GLIS3: variants seen among roughly 807,000 people sequenced by gnomAD.
The protein encoded by GLIS3 is zinc finger protein GLIS3.
A neutral mutation model predicts 78.6 loss-of-function variants in GLIS3; 53 were observed. That is an observed-to-expected ratio of 0.67 (90% CI 0.54 to 0.85). GLIS3 has a LOEUF of 0.85. Among genes scored for constraint, GLIS3 ranks in the 40% least tolerant of loss-of-function variants. GLIS3 has a pLI of 0.00. For missense variants in GLIS3, 1,703 were observed against 1,231.1 expected (o/e 1.38, Z -5.74); for synonymous variants, 684 against 509.9 (o/e 1.34, Z -4.60).
At chr9:3,920,009 T>G (rs891742663) in intron 6 of GLIS3, among the ~76,000 whole-genome samples, 2 of 148,388 alleles carry the variant, frequency 1.3e-5, no homozygotes, top group Non-Finnish European at 3.0e-5. Flanking sequence ...AGTTTTTTTT[T>G]TTTTTTTTTT....
the GLIS3 span, among the ~76,000 whole-genome samples, chr9:4,404,061 G>C: frequency 6.6e-6 from 1 of 152,110 alleles, no homozygotes; most frequent in Non-Finnish European, 1.5e-5. Context: ...AACCAAAGAA[G>C]AGTAGGAGTA....
intron 9 of GLIS3, among the ~76,000 whole-genome samples, chr9:3,846,826 TGTTA>T (rs1819078689): frequency 6.6e-6 from 1 of 152,182 alleles, no homozygotes; most frequent in Non-Finnish European, 1.5e-5. Flanking sequence ...GTAAGTGAAT[TGTTA>T]GTTCATCCTA....
chr9:4,024,655 T>C (rs934059617), intron 4 of GLIS3, among the ~76,000 whole-genome samples: 3 of 152,218 alleles, frequency 2.0e-5, no homozygotes, highest in African/African-American at 7.2e-5. Context: ...CTGCTCTTCC[T>C]GATTGCTGAT....
chr9:4,211,358 T>A (rs1820355940), intron 2 of GLIS3, among the ~76,000 whole-genome samples: 2 of 152,204 alleles, frequency 1.3e-5, no homozygotes, highest in African/African-American at 4.8e-5. Flanking sequence ...TAAGACAGCA[T>A]CACTGAAAAG....
rs113647544 is a variant in GLIS3 at position 3,934,699 on chromosome 9, G to A, written c.1873-2229C>T. 3.1e-4 allele frequency among the ~76,000 whole-genome samples: 47 copies of A among 152,254 alleles called. 3 individuals carry two copies. Among genetic ancestry groups the A allele is most frequent in the East Asian group, 9.7e-4 (5 of 5,176 alleles). On this transcript the variant is annotated intron_variant, in intron 5 of 10. Transcript: ENST00000381971. The stretch of plus-strand genomic sequence containing the variant: ...GCTGGGATTATAGGCGTGAGCCACC[G>A]TGCCCAGCCTTCTGTTTGATTTTGA...
At chr9:3,871,287 C>A (rs187043414) in intron 8 of GLIS3, among the ~76,000 whole-genome samples, 3 of 152,158 alleles carry the variant, frequency 2.0e-5, no homozygotes, top group Admixed American at 2.0e-4. Flanking sequence ...CTTTTGCAGG[C>A]GCACAGTGCA....
intron 5 of GLIS3, among the ~76,000 whole-genome samples, chr9:3,935,757 C>A (rs1027473853): frequency 2.0e-5 from 3 of 152,066 alleles, no homozygotes. Context: ...AAAAATCCCA[C>A]TATTCACCAC....
the GLIS3 span, among the ~76,000 whole-genome samples, chr9:4,390,588 T>A: frequency 6.6e-6 from 1 of 152,036 alleles, no homozygotes; most frequent in Non-Finnish European, 1.5e-5. Context: ...CCCATGGGAG[T>A]GCCCAGTCTC....
upstream of GLIS3, among the ~76,000 whole-genome samples, chr9:4,348,560 G>A (rs900388145): frequency 4.6e-5 from 7 of 152,326 alleles, no homozygotes; most frequent in African/African-American, 1.4e-4. Flanking sequence ...AGGAGGCTGG[G>A]AGATGTGACC....
chr9:4,068,546 T>C (rs1211053090), intron 4 of GLIS3, among the ~76,000 whole-genome samples: 1 of 152,210 alleles, frequency 6.6e-6, no homozygotes, highest in Non-Finnish European at 1.5e-5. Flanking sequence ...TTTTCTATTT[T>C]GTTTACAATG....
chr9:3,874,848 C>T (rs1196616563), intron 8 of GLIS3, among the ~76,000 whole-genome samples: 1 of 152,146 alleles, frequency 6.6e-6, no homozygotes, highest in Non-Finnish European at 1.5e-5. Context: ...TCTTTTCTGG[C>T]TCAGCCATGG....
chr9:3,913,344 C>A (rs544400554), intron 6 of GLIS3, among the ~76,000 whole-genome samples: 39 of 152,346 alleles, frequency 2.6e-4, no homozygotes, highest in African/African-American at 8.4e-4. Flanking sequence ...CTATACTCAA[C>A]AGTCAGTATA....
At chr9:3,904,976 CT>C (rs751912495) in intron 6 of GLIS3, among the ~76,000 whole-genome samples, 201 of 139,300 alleles carry the variant, frequency 1.4e-3, no homozygotes, top group Middle Eastern at 3.7e-3. Flanking sequence ...TCTTATGACT[CT>C]TTTTTTTTTT....
At chr9:4,183,403 T>C (rs1429725626) in intron 2 of GLIS3, among the ~76,000 whole-genome samples, 1 of 152,218 alleles carries the variant, frequency 6.6e-6, no homozygotes, top group Non-Finnish European at 1.5e-5. Context: ...ATAGATATTC[T>C]GAGCAAAGAC....
intron 4 of GLIS3, among the ~76,000 whole-genome samples, chr9:4,012,196 G>A (rs1354339454): frequency 6.6e-6 from 1 of 152,186 alleles, no homozygotes; most frequent in African/African-American, 2.4e-5. Flanking sequence ...AACAATGCAA[G>A]TATGGGGCAG....
chr9:4,358,738 A>G, the GLIS3 span, among the ~76,000 whole-genome samples: 39 of 152,294 alleles, frequency 2.6e-4, no homozygotes, highest in Non-Finnish European at 4.9e-4. Context: ...ATATGTGTTT[A>G]TGTGTGTACA....
chr9:4,068,564 A>ATACT (rs1261676742), intron 4 of GLIS3, among the ~76,000 whole-genome samples: 52 of 152,290 alleles, frequency 3.4e-4, no homozygotes, highest in African/African-American at 1.2e-3. Context: ...ATGACCAAGT[A>ATACT]TAACCTGTAT....
intron 2 of GLIS3, among the ~76,000 whole-genome samples, chr9:4,134,573 A>G (rs980044665): frequency 6.6e-6 from 1 of 152,184 alleles, no homozygotes; most frequent in East Asian, 1.9e-4. Flanking sequence ...AGTGAGACCC[A>G]ACATATATGA....
chr9:4,397,184 C>T, the GLIS3 span, among the ~76,000 whole-genome samples: 3 of 141,164 alleles, frequency 2.1e-5, 1 homozygote, highest in Non-Finnish European at 4.5e-5. Flanking sequence ...CGCCACTACG[C>T]CCGGCTAATT....
Sources: allele counts gnomAD v4.1 joint callset (sites outside exome capture counted in the v4.1 genomes callset), GRCh38; gene constraint gnomAD v4.1.1; transcripts MANE v1.5; gene names NCBI Gene and HGNC (gene_info 2026-07-23, HGNC 2026-07-21).